HS6ST3: variants seen among roughly 807,000 people sequenced by gnomAD.
HS6ST3 encodes heparan-sulfate 6-O-sulfotransferase 3.
A neutral mutation model predicts 36.7 loss-of-function variants in HS6ST3; 12 were observed. The ratio of observed to expected loss-of-function variants is 0.33; its 90% confidence interval spans 0.21 to 0.53. HS6ST3 has a LOEUF of 0.53. Ranked by LOEUF, HS6ST3 falls within the 20% of genes least tolerant of loss-of-function variation. The pLI is 0.95. For missense variants in HS6ST3, 584 were observed against 640.9 expected, an observed-to-expected ratio of 0.91 and a Z score of 0.96; for synonymous variants, 240 against 257.5, an observed-to-expected ratio of 0.93 and a Z score of 0.65.
chr13:96,543,952 G>GAT (rs10646361), intron 1 of HS6ST3, among the ~76,000 whole-genome samples: 6,161 of 145,666 alleles, frequency 0.042, 248 homozygotes, highest in African/African-American at 0.11. Flanking sequence ...ATGATGGGGA[G>GAT]ATATATATAT....
At chr13:96,817,257 C>T (rs896005113) in intron 1 of HS6ST3, among the ~76,000 whole-genome samples, 1 of 152,192 alleles carries the variant, frequency 6.6e-6, no homozygotes, top group Admixed American at 6.5e-5. Flanking sequence ...ATACACAGTG[C>T]TTCACATTCA....
chr13:96,143,054 A>G (rs1171669809), intron 1 of HS6ST3, among the ~76,000 whole-genome samples: 1 of 152,120 alleles, frequency 6.6e-6, no homozygotes, highest in Non-Finnish European at 1.5e-5. Flanking sequence ...CCTTAAGCAG[A>G]ACTTGACATC....
chr13:96,650,590 A>G (rs904990618), intron 1 of HS6ST3, among the ~76,000 whole-genome samples: 1 of 152,074 alleles, frequency 6.6e-6, no homozygotes, highest in African/African-American at 2.4e-5. Flanking sequence ...AAGAATGAGT[A>G]CTGAATGTCA....
rs2053753672 is a variant in HS6ST3, at chr13:96,090,269, A to G, written c.-594A>G. Among the ~76,000 whole-genome samples the G allele has an allele frequency of 6.6e-6, 1 of 151,164 alleles. No individual in the cohort carries two copies. The highest frequency in any genetic ancestry group is 1.5e-5 in the Non-Finnish European group (1 of 67,724). ...GCTGCGCTGCGGGGGCCGCTCTGCA[A>G]ACTTGCGGCGAGCGCCGTCAGCCCT... On this transcript the variant is annotated 5_prime_UTR_variant, in exon 1 of 2. Coordinates refer to ENST00000376705, the MANE Select transcript of HS6ST3 (RefSeq NM_153456.4).
At chr13:96,446,800 C>T (rs948756846) in intron 1 of HS6ST3, among the ~76,000 whole-genome samples, 1 of 152,178 alleles carries the variant, frequency 6.6e-6, no homozygotes, top group African/African-American at 2.4e-5. Flanking sequence ...CATTCTATAG[C>T]TATGTAAAGA....
intron 1 of HS6ST3, among the ~76,000 whole-genome samples, chr13:96,092,863 A>G (rs1362034926): frequency 6.6e-6 from 1 of 152,176 alleles, no homozygotes. Context: ...TTTCCTGCAC[A>G]TTAGTTAGAA....
At chr13:96,535,060 G>T (rs1479450600) in intron 1 of HS6ST3, among the ~76,000 whole-genome samples, 1 of 152,196 alleles carries the variant, frequency 6.6e-6, no homozygotes, top group Non-Finnish European at 1.5e-5. Context: ...ACCTGACTTA[G>T]TGGGAACATA....
intron 1 of HS6ST3, among the ~76,000 whole-genome samples, chr13:96,106,868 T>C (rs2053844220): frequency 6.6e-6 from 1 of 152,222 alleles, no homozygotes; most frequent in Non-Finnish European, 1.5e-5. Flanking sequence ...GGAAAACACA[T>C]TTCCTAGGGA....
chr13:96,262,368 T>C (rs1237710902), intron 1 of HS6ST3, among the ~76,000 whole-genome samples: 1 of 152,160 alleles, frequency 6.6e-6, no homozygotes, highest in East Asian at 1.9e-4. Flanking sequence ...AGTGGGAAAG[T>C]CTGAAATCCC....
chr13:96,708,584 C>T (rs1194025807), intron 1 of HS6ST3, among the ~76,000 whole-genome samples: 2 of 152,196 alleles, frequency 1.3e-5, no homozygotes, highest in Admixed American at 6.5e-5. Flanking sequence ...CCTCTCCATA[C>T]ATATTGGCCA....
At chr13:96,187,193 T>G (rs1330373779) in intron 1 of HS6ST3, among the ~76,000 whole-genome samples, 1 of 152,200 alleles carries the variant, frequency 6.6e-6, no homozygotes, top group African/African-American at 2.4e-5. Context: ...TTGTAAAACT[T>G]TTGGTACTTG....
intron 1 of HS6ST3, among the ~76,000 whole-genome samples, chr13:96,148,409 G>A (rs1257255843): frequency 2.0e-5 from 3 of 152,188 alleles, no homozygotes; most frequent in Non-Finnish European, 4.4e-5. Context: ...AGAAATACCT[G>A]TGAATAGGGT....
At chr13:96,136,332 A>C (rs1469101151) in intron 1 of HS6ST3, among the ~76,000 whole-genome samples, 2 of 152,266 alleles carry the variant, frequency 1.3e-5, no homozygotes, top group Admixed American at 6.5e-5. Flanking sequence ...TCCACGGGCT[A>C]TATGGAAGCG....
At chr13:96,706,413 T>TTTTATATATATATATATATA (rs5805987) in intron 1 of HS6ST3, among the ~76,000 whole-genome samples, 3 of 121,028 alleles carry the variant, frequency 2.5e-5, no homozygotes, top group African/African-American at 1.1e-4. Context: ...AGAATATATT[T>TTTTATATATATATATATATA]TATATATATA....
At chr13:96,188,641 G>A (rs55978714) in intron 1 of HS6ST3, among the ~76,000 whole-genome samples, 3,398 of 152,262 alleles carry the variant, frequency 0.022, 68 homozygotes, top group Non-Finnish European at 0.033. Context: ...TGCTTGGCAT[G>A]TGAGTCCTCA....
At chr13:96,643,174 G>A (rs2056576148) in intron 1 of HS6ST3, among the ~76,000 whole-genome samples, 1 of 151,960 alleles carries the variant, frequency 6.6e-6, no homozygotes, top group Non-Finnish European at 1.5e-5. Flanking sequence ...GTCAGCTAAT[G>A]ATTGGAAAGA....
At chr13:96,769,067 C>G (rs1281501104) in intron 1 of HS6ST3, among the ~76,000 whole-genome samples, 1 of 152,058 alleles carries the variant, frequency 6.6e-6, no homozygotes, top group African/African-American at 2.4e-5. Context: ...ATTGAAATCC[C>G]CCACAACCAG....
rs1878867995 is a variant in HS6ST3, at chr13:96,834,028, A to G, written c.*830A>G. On this transcript the variant is annotated 3_prime_UTR_variant, in exon 2 of 2. Transcript: ENST00000376705. ...AATGTGAGGAATGAATGATAAATTA[A>G]GAGAAAAAAATATCAGGAAGGTCAA... is the stretch of plus-strand genomic sequence containing the variant. The G allele has an allele frequency of 6.6e-6, 1 of 152,236 alleles. No individual in the cohort carries two copies. Among genetic ancestry groups the G allele is most frequent in the Non-Finnish European group, 1.5e-5 (1 of 68,048 alleles). The allele number at this position is 152,236 out of a possible 1,614,324, so 9.4% of individuals were successfully genotyped here.
intron 1 of HS6ST3, among the ~76,000 whole-genome samples, chr13:96,143,879 G>GAGTCAATGTT (rs1353972169): frequency 1.3e-5 from 2 of 152,152 alleles, no homozygotes; most frequent in African/African-American, 4.8e-5. Flanking sequence ...CAAGTTAGAT[G>GAGTCAATGTT]AGTCAATGTT....
Sources: allele counts gnomAD v4.1 joint callset (sites outside exome capture counted in the v4.1 genomes callset), GRCh38; gene constraint gnomAD v4.1.1; transcripts MANE v1.5; gene names NCBI Gene and HGNC (gene_info 2026-07-23, HGNC 2026-07-21).